The following RNASEH2B variants were observed in gnomAD, a reference collection of about 807,000 sequenced individuals.
RNASEH2B encodes the protein ribonuclease H2 subunit B.
In RNASEH2B, 36 loss-of-function variants were observed where a neutral mutation model predicts 45.0. The observed-to-expected ratio is 0.80, with a 90% confidence interval of 0.61 to 1.06. The LOEUF (loss-of-function observed/expected upper bound fraction) is 1.06. Ranked by LOEUF, RNASEH2B falls within the 50% of genes least tolerant of loss-of-function variation. The probability of loss-of-function intolerance (pLI) is 0.00; values close to 1 mark genes in which losing one functional copy is unlikely to be tolerated. For missense variants in RNASEH2B, 361 were observed against 360.3 expected (o/e 1.00, Z -0.02); for synonymous variants, 119 against 125.7 (o/e 0.95, Z 0.35).
In RNASEH2B at chr13:50,930,814, T is replaced by A; in HGVS notation, c.321+55T>A. The A allele has an allele frequency of 3.2e-6, 4 of 1,253,668 alleles. No homozygotes were observed. In the South Asian group the frequency reaches 4.8e-5, roughly 15 times the overall value. 77.7% of individuals were successfully genotyped at this position (1,253,668 alleles called of 1,614,324 possible). A position where few individuals can be genotyped will look rare whatever the true frequency, so the allele number is the denominator to read the frequency against. On this transcript the variant is annotated intron_variant, in intron 4 of 10. Coordinates refer to ENST00000336617, the MANE Select transcript of RNASEH2B (RefSeq NM_024570.4). ...GAGGAAACAGAATCAACTATTTTTG[T>A]TTGATCTCCTCTCTCTCCTTTTAAT...
At chr13:50,912,039 G>A (rs1043205915) in intron 1 of RNASEH2B, 2 of 152,190 alleles carry the variant, frequency 1.3e-5, no homozygotes, top group South Asian at 2.1e-4. Context: ...AAGAGTTTCA[G>A]TTGAGTTTCT....
At position 50,911,856 on chromosome 13, in the gene RNASEH2B, G is replaced by A. The variant is rs59903409; in HGVS notation, c.64+1716G>A. 1.5e-3 allele frequency: 231 copies of A among 152,270 alleles called. 1 individual carries two copies. Among genetic ancestry groups the A allele is most frequent in the Middle Eastern group, 6.8e-3 (2 of 294 alleles). The allele number at this position is 152,270 out of a possible 1,614,324, so 9.4% of individuals were successfully genotyped here. A position where few individuals can be genotyped will look rare whatever the true frequency, so the allele number is the denominator to read the frequency against. On this transcript the variant is annotated intron_variant, in intron 1 of 10. Transcript: ENST00000336617. Reference sequence around the variant, plus strand: ...ATTGTTATTTCAGATATACACAATAGCTGATGATAATTTGAGCTTCTTATT... The same window carrying A: ...ATTGTTATTTCAGATATACACAATAACTGATGATAATTTGAGCTTCTTATT...
intron 8 of RNASEH2B, 76 bp downstream of exon 8, chr13:50,948,144 G>A: frequency 6.3e-7 from 1 of 1,591,936 alleles, no homozygotes; most frequent in Non-Finnish European, 8.5e-7. Flanking sequence ...GTTTCCTTAT[G>A]GCTTATCATA....
rs771472509 is a variant in RNASEH2B at position 50,927,425 on chromosome 13, C to G, written c.83C>G (p.Ser28Ter). ...FLVSEYLKDA[S>*]KKMKNGLMFV... ...TTTTCAGAATATTTAAAAGATGCTT[C>G]AAAGAAGATGAAAAATGGGCTAATG... is the stretch of plus-strand genomic sequence containing the variant. Residue 28 changes from serine to a stop codon, truncating the protein, a stop_gained, in exon 2 of 11, where the codon TCA (serine) becomes TGA (stop). Coordinates refer to ENST00000336617, the MANE Select transcript of RNASEH2B (RefSeq NM_024570.4). LOFTEE classifies it high-confidence loss of function. 22 of 1,594,978 alleles carry G rather than the reference C, an allele frequency of 1.4e-5. No individual in the cohort carries two copies. Among genetic ancestry groups the G allele is most frequent in the Non-Finnish European group, 1.9e-5 (22 of 1,162,946 alleles).
intron 3 of RNASEH2B, 66 bp downstream of exon 3, chr13:50,929,648 G>A (rs544732202): frequency 3.5e-5 from 35 of 1,003,470 alleles, no homozygotes; most frequent in African/African-American, 2.2e-4. Context: ...TTCTTCACAC[G>A]TGGGGTTGTG....
intron 9 of RNASEH2B, chr13:50,952,340 T>C (rs552329986): frequency 6.6e-6 from 1 of 152,258 alleles, no homozygotes; most frequent in South Asian, 2.1e-4. Flanking sequence ...TAGCTGAAGA[T>C]ACCTTTCTAG....
chr13:50,919,790 T>G (rs951730786), intron 1 of RNASEH2B, among the ~76,000 whole-genome samples: 3 of 152,254 alleles, frequency 2.0e-5, no homozygotes, highest in Middle Eastern at 3.4e-3. Flanking sequence ...TCAGGCAGGT[T>G]TTTCATCCAA....
chr13:50,941,860 T>A (rs1378243936), intron 5 of RNASEH2B: 2 of 152,276 alleles, frequency 1.3e-5, no homozygotes, highest in Admixed American at 1.3e-4. Flanking sequence ...TGACATGTCC[T>A]GAGAAGATGG....
downstream of RNASEH2B, chr13:50,960,200 C>CT: frequency 1.1e-6 from 1 of 946,206 alleles, no homozygotes; most frequent in Non-Finnish European, 1.4e-6. Context: ...ATATATTTAT[C>CT]TTTTAAATAA....
At chr13:50,940,028 T>C (rs1172021396) in intron 5 of RNASEH2B, among the ~76,000 whole-genome samples, 1 of 152,208 alleles carries the variant, frequency 6.6e-6, no homozygotes, top group Non-Finnish European at 1.5e-5. Flanking sequence ...TAAAATGATA[T>C]AGCCACTTGA....
intron 5 of RNASEH2B, chr13:50,942,022 C>A (rs1951838792): frequency 1.3e-5 from 2 of 152,206 alleles, no homozygotes; most frequent in Non-Finnish European, 2.9e-5. Context: ...GAAAATGAAC[C>A]CTGAATGGGC....
intron 9 of RNASEH2B, among the ~76,000 whole-genome samples, chr13:50,966,337 C>CTAAA (rs1344593372): frequency 6.6e-6 from 1 of 152,140 alleles, no homozygotes; most frequent in Non-Finnish European, 1.5e-5. Context: ...GACTCTTGTA[C>CTAAA]TAAACATTAG....
downstream of RNASEH2B, among the ~76,000 whole-genome samples, chr13:50,960,467 G>A (rs543584363): frequency 7.2e-5 from 11 of 152,194 alleles, no homozygotes; most frequent in African/African-American, 2.4e-4. Flanking sequence ...ACTAGCTGTT[G>A]CTAATATGAT....
At chr13:50,939,599 G>C (rs1951809307) in intron 5 of RNASEH2B, among the ~76,000 whole-genome samples, 1 of 151,610 alleles carries the variant, frequency 6.6e-6, no homozygotes, top group Non-Finnish European at 1.5e-5. Context: ...GAATAGAATA[G>C]AGAATCTAGA....
At chr13:50,928,932 C>CTTTTTTTT (rs35147830) in intron 2 of RNASEH2B, among the ~76,000 whole-genome samples, 2 of 87,878 alleles carry the variant, frequency 2.3e-5, no homozygotes, top group African/African-American at 4.4e-5. Context: ...TGCCTCCTCC[C>CTTTTTTTT]TTTTTTTTTT....
At position 50,969,599 on chromosome 13, in the gene RNASEH2B, AT is replaced by A. The variant is rs1376371915; in HGVS notation, c.742-325del. Among the ~76,000 whole-genome samples, 15 of 149,820 alleles carry A rather than the reference AT, an allele frequency of 1.0e-4. 1 individual carries two copies. The South Asian group carries it at 1.9e-3, about 19-fold the overall frequency. Reference sequence around the variant, plus strand: ...TACTTTCGTGCATTTCTTGTATTTTATTTTTTTTCCTATAAGATGGTGCCCA... The same window carrying A: ...TACTTTCGTGCATTTCTTGTATTTTATTTTTTTCCTATAAGATGGTGCCCA... On this transcript the variant is annotated intron_variant, in intron 9 of 9. Transcript: ENST00000422660.
intron 9 of RNASEH2B, among the ~76,000 whole-genome samples, chr13:50,967,814 G>A (rs941727750): frequency 3.3e-5 from 5 of 152,144 alleles, no homozygotes; most frequent in South Asian, 4.1e-4. Context: ...TCTCTAGGAC[G>A]AATCCAAAAT....
At chr13:50,936,225 T>C (rs893143388) in intron 5 of RNASEH2B, 1 of 152,184 alleles carries the variant, frequency 6.6e-6, no homozygotes, top group African/African-American at 2.4e-5. Context: ...AGAAATAGTA[T>C]AAAAACTTGG....
chr13:50,967,652 C>T (rs1381027662), intron 9 of RNASEH2B, among the ~76,000 whole-genome samples: 1 of 152,222 alleles, frequency 6.6e-6, no homozygotes, highest in Non-Finnish European at 1.5e-5. Flanking sequence ...GTGGCTCTAA[C>T]TTTGACTCTG....
Sources: allele counts gnomAD v4.1 joint callset (sites outside exome capture counted in the v4.1 genomes callset), GRCh38; gene constraint gnomAD v4.1.1; transcripts MANE v1.5; gene names NCBI Gene and HGNC (gene_info 2026-07-23, HGNC 2026-07-21).